Variants in RNF144A observed in about 807,000 individuals in gnomAD.
RNF144A encodes the protein E3 ubiquitin-protein ligase RNF144A.
RNF144A carries 11 observed loss-of-function variants against 38.7 expected under a neutral mutation model. The ratio of observed to expected loss-of-function variants is 0.28; its 90% CI spans 0.18 to 0.47. The LOEUF is 0.47. Ranked by LOEUF, RNF144A falls within the 20% of genes least tolerant of loss-of-function variation. The probability of loss-of-function intolerance (pLI) is 0.99; values close to 1 mark genes in which losing one functional copy is unlikely to be tolerated. For synonymous variants in RNF144A, 149 were observed against 143.9 expected (o/e 1.04, Z -0.25); for missense variants, 316 against 377.2 (o/e 0.84, Z 1.34).
chr2:7,043,419 T>TTG lies in RNF144A; in HGVS notation c.*3669_*3670dup. 3.0e-6 allele frequency: 3 copies of TTG among 985,638 alleles called. No homozygotes were observed. The highest frequency in any genetic ancestry group is 2.4e-6 in the Non-Finnish European group (2 of 829,862). The allele number at this position is 985,638 out of a possible 1,614,324, so 61.1% of individuals were successfully genotyped here. A position where few individuals can be genotyped will look rare whatever the true frequency, so the allele number is the denominator to read the frequency against. On this transcript the variant is annotated 3_prime_UTR_variant, in exon 9 of 9. Transcript: ENST00000320892. ...GGATTGAAAGGATCCAGGATGGGCT[T>TTG]TGTGTGTGTGTCTCAGATTCTCATT... is the stretch of plus-strand genomic sequence containing the variant.
At chr2:7,009,620 A>G (rs1158765948) in intron 3 of RNF144A, among the ~76,000 whole-genome samples, 7 of 152,178 alleles carry the variant, frequency 4.6e-5, no homozygotes, top group Non-Finnish European at 1.0e-4. Flanking sequence ...CCTTGAGGAA[A>G]GTGATCCTTG....
downstream of RNF144A, among the ~76,000 whole-genome samples, chr2:7,071,686 T>C (rs1393068231): frequency 1.3e-5 from 2 of 152,232 alleles, no homozygotes; most frequent in East Asian, 3.8e-4. Flanking sequence ...TTTGGGATGC[T>C]GAATGGATTC....
intron 1 of RNF144A, among the ~76,000 whole-genome samples, chr2:6,930,360 A>AT (rs1665128121): frequency 1.3e-5 from 2 of 152,096 alleles, no homozygotes; most frequent in Non-Finnish European, 2.9e-5. Flanking sequence ...CAGTTTTTCT[A>AT]TTTTTTTATT....
intron 6 of RNF144A, among the ~76,000 whole-genome samples, chr2:7,021,189 G>C (rs983017451): frequency 1.2e-4 from 19 of 152,164 alleles, no homozygotes; most frequent in Admixed American, 1.2e-3. Context: ...ACCACGCTCT[G>C]TACTTTGACA....
intron 1 of RNF144A, among the ~76,000 whole-genome samples, chr2:6,924,941 GT>G (rs1558353554): frequency 6.6e-6 from 1 of 152,230 alleles, no homozygotes; most frequent in Non-Finnish European, 1.5e-5. Flanking sequence ...TTTGGGAAGG[GT>G]GTGGGCTTCC....
chr2:6,966,693 G>A (rs1044631596), intron 2 of RNF144A, among the ~76,000 whole-genome samples: 1 of 152,202 alleles, frequency 6.6e-6, no homozygotes, highest in Non-Finnish European at 1.5e-5. Context: ...GAGTGACTTA[G>A]GGGCTATTTT....
In RNF144A at chr2:6,943,022, G is replaced by A. The variant is rs118174844; in HGVS notation, c.-12+1875G>A. Among the ~76,000 whole-genome samples the A allele has an allele frequency of 1.3e-5, 2 of 152,314 alleles. No homozygotes were observed. Among genetic ancestry groups the A allele is most frequent in the East Asian group, 3.9e-4 (2 of 5,188 alleles). The stretch of plus-strand genomic sequence containing the variant: ...AGATTCAAAGTTCAGTTTTGAACTT[G>A]CTGAGTGTGAGAAGATTATAAGCCA... On this transcript the variant is annotated intron_variant, in intron 2 of 8. Coordinates refer to ENST00000320892, the MANE Select transcript of RNF144A (RefSeq NM_014746.6). The surrounding 1 kb of genome is among the most constrained non-coding windows in gnomAD (Gnocchi z 4.3).
intron 2 of RNF144A, among the ~76,000 whole-genome samples, chr2:6,990,440 C>CTA (rs558896860): frequency 0.047 from 3,035 of 64,676 alleles, 107 homozygotes; most frequent in African/African-American, 0.14. Flanking sequence ...ACACACAGAG[C>CTA]TATATATATA....
chr2:7,019,421 T>C (rs976454809), intron 5 of RNF144A, among the ~76,000 whole-genome samples: 1 of 152,224 alleles, frequency 6.6e-6, no homozygotes, highest in East Asian at 1.9e-4. Context: ...GAGCGGGAGC[T>C]GCCCGGCGGC....
At chr2:7,020,296 A>G (rs1470502415) in intron 5 of RNF144A, among the ~76,000 whole-genome samples, 177 bp from the exon 6 acceptor site, 3 of 152,082 alleles carry the variant, frequency 2.0e-5, no homozygotes, top group East Asian at 3.9e-4. Flanking sequence ...GGGAAGAGCT[A>G]CAGCGGAGGT....
At chr2:7,035,146 A>C in intron 8 of RNF144A, among the ~76,000 whole-genome samples, 1 of 151,318 alleles carries the variant, frequency 6.6e-6, no homozygotes, top group African/African-American at 2.4e-5. Flanking sequence ...TGCCTTCTCC[A>C]CTCCTGTGTC....
At chr2:7,035,758 G>C (rs750288535) in intron 8 of RNF144A, among the ~76,000 whole-genome samples, 1 of 152,162 alleles carries the variant, frequency 6.6e-6, no homozygotes, top group Non-Finnish European at 1.5e-5. Flanking sequence ...GAATTCCAAC[G>C]TGTCTCTTTG....
At position 7,039,870 on chromosome 2, in the gene RNF144A, T is replaced by A; in HGVS notation, c.*110T>A. The A allele has an allele frequency of 6.7e-7, 1 of 1,496,548 alleles. No homozygotes were observed. The highest frequency in any genetic ancestry group is 1.4e-5 in the African/African-American group (1 of 71,904). The allele number at this position is 1,496,548 out of a possible 1,614,324, so 92.7% of individuals were successfully genotyped here. A position where few individuals can be genotyped will look rare whatever the true frequency, so the allele number is the denominator to read the frequency against. On this transcript the variant is annotated 3_prime_UTR_variant, in exon 9 of 9. Transcript: ENST00000320892. ...CATCTTTCTTGCCTTATGTGCCCCA[T>A]TGAGCTTCACAGTGTCAGGCTGGAC...
At chr2:7,018,381 C>A (rs114088878) in intron 5 of RNF144A, among the ~76,000 whole-genome samples, 1 of 152,240 alleles carries the variant, frequency 6.6e-6, no homozygotes, top group Non-Finnish European at 1.5e-5. Context: ...AAGCTGGGCT[C>A]ACCCCACAGC....
rs377113637 is a variant in RNF144A, at chr2:6,958,060, C to T, written c.-12+16913C>T. Among the ~76,000 whole-genome samples, 13 of 152,288 alleles carry T rather than the reference C, an allele frequency of 8.5e-5. No individual in the cohort carries two copies. Among genetic ancestry groups the T allele is most frequent in the African/African-American group, 2.2e-4 (9 of 41,566 alleles). On this transcript the variant is annotated intron_variant, in intron 2 of 8. Transcript: ENST00000320892. The surrounding 1 kb of genome is among the most constrained non-coding windows in gnomAD (Gnocchi z 4.5). ...AGCTCCAGGGAAGCAGATGGATCGC[C>T]GGAGGGCTGCTGTCACATTGCATTG...
At chr2:7,068,045 A>G (rs992200619) in intron 6 of RNF144A, among the ~76,000 whole-genome samples, 3 of 152,286 alleles carry the variant, frequency 2.0e-5, no homozygotes, top group Non-Finnish European at 2.9e-5. Context: ...TGCTCCTTGG[A>G]TATAAATTCC....
intron 2 of RNF144A, among the ~76,000 whole-genome samples, chr2:6,974,914 T>C (rs1210343976): frequency 6.6e-6 from 1 of 152,230 alleles, no homozygotes; most frequent in Non-Finnish European, 1.5e-5. Context: ...CTTCTTTGAG[T>C]AGCCAAATAG....
At chr2:6,946,138 T>C (rs911477198) in intron 2 of RNF144A, among the ~76,000 whole-genome samples, 2 of 152,210 alleles carry the variant, frequency 1.3e-5, no homozygotes, top group Non-Finnish European at 2.9e-5. Flanking sequence ...TGTATTTTTG[T>C]CCTTATTTTA....
Position 7,024,421 on chromosome 2 carries a change from T to C in RNF144A, c.562T>C (p.Cys188Arg). The part of the protein sequence containing the change: ...DDAPIKRCPK[C>R]KVYIERDEGC... ...CGCGCCCATCAAGCGCTGCCCCAAG[T>C]GCAAAGTCTACATCGAGCGAGACGA... is the stretch of plus-strand genomic sequence containing the variant. Residue 188 changes from cysteine (C) to arginine (R), a missense_variant, in exon 7 of 9, where the codon TGC becomes CGC. Cys to Arg is a radical substitution (Grantham distance 180). Coordinates refer to ENST00000320892, the MANE Select transcript of RNF144A (RefSeq NM_014746.6). 6.2e-7 allele frequency: 1 copy of C among 1,612,672 alleles called. No homozygotes were observed. Among genetic ancestry groups the C allele is most frequent in the Non-Finnish European group, 8.5e-7 (1 of 1,178,656 alleles).
Sources: allele counts gnomAD v4.1 joint callset (sites outside exome capture counted in the v4.1 genomes callset), GRCh38; gene constraint gnomAD v4.1.1; non-coding constraint Gnocchi (gnomAD v3.1); transcripts MANE v1.5; gene names NCBI Gene and HGNC (gene_info 2026-07-23, HGNC 2026-07-21).